Variants in ZCCHC14 observed in about 807,000 individuals in gnomAD.
ZCCHC14 encodes zinc finger CCHC-type containing 14, also known as zinc finger CCHC domain-containing protein 14.
In ZCCHC14, 16 loss-of-function variants were observed where a neutral mutation model predicts 85.0. The observed-to-expected ratio is 0.19, with a 90% CI of 0.13 to 0.29. ZCCHC14 has a LOEUF of 0.29. Ranked by LOEUF, ZCCHC14 falls within the 10% of genes least tolerant of loss-of-function variation. The probability of loss-of-function intolerance (pLI) is 1.00; values close to 1 mark genes in which losing one functional copy is unlikely to be tolerated. For missense variants in ZCCHC14, 1,303 were observed against 1,443.5 expected (o/e 0.90, Z 1.58); for synonymous variants, 775 against 630.7 (o/e 1.23, Z -3.43).
chr16:87,421,011 C>T (rs970277462), intron 4 of ZCCHC14, among the ~76,000 whole-genome samples: 6 of 152,244 alleles, frequency 3.9e-5, no homozygotes, highest in South Asian at 2.1e-4. Context: ...TAATTTCAAA[C>T]GGGACCTGCT....
intron 1 of ZCCHC14, chr16:87,472,705 T>A (rs149715156): frequency 6.6e-6 from 1 of 152,224 alleles, no homozygotes; most frequent in Non-Finnish European, 1.5e-5. Flanking sequence ...ACGGCCACCA[T>A]GATGGTTCCT....
chr16:87,487,924 CAAA>C (rs369937806), intron 1 of ZCCHC14, among the ~76,000 whole-genome samples: 3 of 122,658 alleles, frequency 2.4e-5, no homozygotes, highest in Non-Finnish European at 5.0e-5. Context: ...ATGCAACGTC[CAAA>C]AAAGACACCC....
intron 3 of ZCCHC14, among the ~76,000 whole-genome samples, chr16:87,430,074 T>A (rs896019068): frequency 6.6e-6 from 1 of 152,276 alleles, no homozygotes; most frequent in Non-Finnish European, 1.5e-5. Flanking sequence ...TATATTCTAA[T>A]TCATCGATGT....
At chr16:87,464,495 C>T (rs1911427588) in intron 1 of ZCCHC14, among the ~76,000 whole-genome samples, 1 of 152,160 alleles carries the variant, frequency 6.6e-6, no homozygotes. Flanking sequence ...AAGTCTTTTC[C>T]CCACGCAGAC....
intron 2 of ZCCHC14, among the ~76,000 whole-genome samples, chr16:87,452,759 T>C (rs915537879): frequency 6.6e-6 from 1 of 151,126 alleles, no homozygotes; most frequent in African/African-American, 2.4e-5. Context: ...CCTACCCTGC[T>C]TGTCAGCTGA....
At chr16:87,481,932 G>A (rs1912298800) in intron 1 of ZCCHC14, among the ~76,000 whole-genome samples, 1 of 152,184 alleles carries the variant, frequency 6.6e-6, no homozygotes, top group East Asian at 1.9e-4. Flanking sequence ...CTTCCTGCTA[G>A]GACATCCCAT....
At chr16:87,424,474 T>C (rs1909265786) in intron 3 of ZCCHC14, among the ~76,000 whole-genome samples, 2 of 152,080 alleles carry the variant, frequency 1.3e-5, no homozygotes, top group South Asian at 2.1e-4. Flanking sequence ...TGGAGGAGAT[T>C]CTGCAACGTC....
chr16:87,410,248 G>A lies in ZCCHC14; in HGVS notation c.*32C>T. 1 of 745,732 alleles carries A rather than the reference G, an allele frequency of 1.3e-6. No individual in the cohort carries two copies. Among genetic ancestry groups the A allele is most frequent in the Non-Finnish European group, 2.5e-6 (1 of 404,416 alleles). 46.2% of individuals were successfully genotyped at this position (745,732 alleles called of 1,614,324 possible). A position where few individuals can be genotyped will look rare whatever the true frequency, so the allele number is the denominator to read the frequency against. ...ATTTAATTTTCCTTATGTCTCCATG[G>A]CTTAATAACGTTCTGTTGCCAGAGA... On this transcript the variant is annotated 3_prime_UTR_variant, in exon 13 of 13. Coordinates refer to ENST00000671377, the MANE Select transcript of ZCCHC14 (RefSeq NM_015144.3).
chr16:87,468,522 C>T lies in ZCCHC14; in HGVS notation c.571-8391G>A, dbSNP rs188986317. On this transcript the variant is annotated intron_variant, in intron 1 of 12. Transcript: ENST00000671377. Reference sequence around the variant, plus strand: ...CCAGAGAAGCTGGGACTACAGGAGGCGCATGCCACCATGCCAGGCTTAACC... The same window carrying T: ...CCAGAGAAGCTGGGACTACAGGAGGTGCATGCCACCATGCCAGGCTTAACC... Among the ~76,000 whole-genome samples, 48 of 152,114 alleles carry T rather than the reference C, an allele frequency of 3.2e-4. No homozygotes were observed. The East Asian group carries it at 7.2e-3, about 23-fold the overall frequency.
At chr16:87,477,153 C>CA (rs1412376609) in intron 1 of ZCCHC14, among the ~76,000 whole-genome samples, 8 of 116,212 alleles carry the variant, frequency 6.9e-5, no homozygotes, top group South Asian at 2.6e-4. Context: ...AAAACAAAAC[C>CA]AAAAAAAAAT....
rs566867076 is a variant in ZCCHC14, at chr16:87,485,443, CT to C, written c.570+6225del. On this transcript the variant is annotated intron_variant, in intron 1 of 12. Coordinates refer to ENST00000671377, the MANE Select transcript of ZCCHC14 (RefSeq NM_015144.3). ...TACAGAGACTGGAGAAAAAAATTACCTTGCTAAAACTAATTTCTAAACTGCG... is the reference window on the plus strand; with the variant it reads ...TACAGAGACTGGAGAAAAAAATTACCTGCTAAAACTAATTTCTAAACTGCG... Among the ~76,000 whole-genome samples the C allele has an allele frequency of 3.3e-4, 50 of 152,146 alleles. No individual in the cohort carries two copies. In the East Asian group the frequency reaches 9.1e-3, roughly 28 times the overall value.
chr16:87,420,725 G>A lies in ZCCHC14; in HGVS notation c.841-9C>T, dbSNP rs773270939. ...GGATAGAGCTGACATAGCTGGAAGA[G>A]AGGACAAGGTAGAGGAGGTGTGTCC... On this transcript the variant is annotated splice_polypyrimidine_tract_variant and intron_variant, in intron 4 of 12. Coordinates refer to ENST00000671377, the MANE Select transcript of ZCCHC14 (RefSeq NM_015144.3). This position sits in a 1 kb window ranked among gnomAD's most constrained non-coding sequence, Gnocchi z 5.0. The A allele has an allele frequency of 1.2e-6, 2 of 1,607,436 alleles. No homozygotes were observed. Among genetic ancestry groups the A allele is most frequent in the South Asian group, 1.1e-5 (1 of 89,826 alleles).
intron 2 of ZCCHC14, among the ~76,000 whole-genome samples, chr16:87,435,656 C>T (rs1475750690): frequency 6.6e-6 from 1 of 152,292 alleles, no homozygotes; most frequent in African/African-American, 2.4e-5. Flanking sequence ...GGTCGTGGAG[C>T]ACGAGGCAGC....
intron 4 of ZCCHC14, among the ~76,000 whole-genome samples, chr16:87,422,668 G>A (rs1445810409): frequency 6.6e-6 from 1 of 151,960 alleles, no homozygotes; most frequent in Admixed American, 6.6e-5. Context: ...GCCGGGAGGT[G>A]GAGGTTGCAG....
At chr16:87,456,526 C>G (rs1910972280) in intron 2 of ZCCHC14, among the ~76,000 whole-genome samples, 2 of 74,862 alleles carry the variant, frequency 2.7e-5, no homozygotes, top group Admixed American at 1.9e-4. Flanking sequence ...GAGCAAGACT[C>G]TGTCTCCAAA....
At chr16:87,458,023 G>C (rs1325088631) in intron 2 of ZCCHC14, among the ~76,000 whole-genome samples, 3 of 151,680 alleles carry the variant, frequency 2.0e-5, no homozygotes, top group Non-Finnish European at 4.4e-5. Flanking sequence ...ATGAGAGTCA[G>C]CTCACCCTCT....
intron 1 of ZCCHC14, among the ~76,000 whole-genome samples, chr16:87,469,167 C>T (rs918080484): frequency 5.3e-5 from 8 of 152,180 alleles, no homozygotes; most frequent in Non-Finnish European, 8.8e-5. Flanking sequence ...CCTGCCTCAG[C>T]CTCCCGAGTA....
intron 2 of ZCCHC14, among the ~76,000 whole-genome samples, chr16:87,451,497 C>T (rs972821337): frequency 6.6e-6 from 1 of 152,232 alleles, no homozygotes; most frequent in Non-Finnish European, 1.5e-5. Flanking sequence ...CATGCCCAGA[C>T]AAATTTCCAT....
At chr16:87,425,298 C>T (rs1909311920) in intron 3 of ZCCHC14, among the ~76,000 whole-genome samples, 1 of 152,140 alleles carries the variant, frequency 6.6e-6, no homozygotes. Flanking sequence ...TGCTTGAGGC[C>T]GGGCGCAGTG....
Sources: allele counts gnomAD v4.1 joint callset (sites outside exome capture counted in the v4.1 genomes callset), GRCh38; gene constraint gnomAD v4.1.1; non-coding constraint Gnocchi (gnomAD v3.1); transcripts MANE v1.5; gene names NCBI Gene and HGNC (gene_info 2026-07-23, HGNC 2026-07-21).